Variants in TMEM184B observed in about 807,000 individuals in gnomAD.
TMEM184B encodes the protein transmembrane protein 184B, also known as putative MAPK-activating protein FM08.
In TMEM184B, 17 loss-of-function variants were observed where a neutral mutation model predicts 41.8. The observed-to-expected ratio is 0.41, with a 90% CI of 0.28 to 0.61. The LOEUF (loss-of-function observed/expected upper bound fraction) is 0.61, where lower values mean the gene tolerates loss of function less well. TMEM184B is among the 20% of genes least tolerant of loss of function. The pLI, the probability that TMEM184B is intolerant of heterozygous loss-of-function variation, is 0.34. For synonymous variants in TMEM184B, 240 were observed against 229.5 expected (o/e 1.05, Z -0.41); for missense variants, 393 against 557.8 (o/e 0.70, Z 2.98).
chr22:38,225,398 C>A lies in TMEM184B; in HGVS notation c.787+26G>T. 1 of 1,535,354 alleles carries A rather than the reference C, an allele frequency of 6.5e-7. No homozygotes were observed. The highest frequency in any genetic ancestry group is 1.3e-5 in the South Asian group (1 of 77,962). ...GCAGAGGACAGGGTGGCATGGGCAGCCTCCAGGTGCTGGGAGGGGGCTCAC... is the reference window on the plus strand; with the variant it reads ...GCAGAGGACAGGGTGGCATGGGCAGACTCCAGGTGCTGGGAGGGGGCTCAC... On this transcript the variant is annotated intron_variant, in intron 7 of 8. Transcript: ENST00000361906. The surrounding 1 kb of genome is among the most constrained non-coding windows in gnomAD (Gnocchi z 4.4).
chr22:38,232,181 G>C (rs2091647942), intron 3 of TMEM184B: 1 of 152,918 alleles, frequency 6.5e-6, no homozygotes, highest in Admixed American at 6.5e-5. Flanking sequence ...ACAGCACTAT[G>C]AGCTACAACA....
At position 38,220,070 on chromosome 22, in the gene TMEM184B, C is replaced by G; in HGVS notation, c.*1399G>C. On this transcript the variant is annotated 3_prime_UTR_variant, in exon 9 of 9. Coordinates refer to ENST00000361906, the MANE Select transcript of TMEM184B (RefSeq NM_012264.5). Reference sequence around the variant, plus strand: ...ACCAGCTTCTCCAGGTGACTGCAGCCCAAACCCAGGGATAATCTGGGTTTT... The same window carrying G: ...ACCAGCTTCTCCAGGTGACTGCAGCGCAAACCCAGGGATAATCTGGGTTTT... 4.1e-6 allele frequency: 4 copies of G among 985,530 alleles called. No homozygotes were observed. Among genetic ancestry groups the G allele is most frequent in the Non-Finnish European group, 4.8e-6 (4 of 830,016 alleles). The allele number at this position is 985,530 out of a possible 1,614,324, so 61.0% of individuals were successfully genotyped here. A position where few individuals can be genotyped will look rare whatever the true frequency, so the allele number is the denominator to read the frequency against.
At position 38,230,655 on chromosome 22, in the gene TMEM184B, C is replaced by G. The variant is rs751010135; in HGVS notation, c.525+14G>C. ...CTGCTCCTCCTGAGCTAGGCAGCTG[C>G]TGGGGGCACACACCTGTTTGCAGAA... On this transcript the variant is annotated intron_variant, in intron 5 of 8. Coordinates refer to ENST00000361906, the MANE Select transcript of TMEM184B (RefSeq NM_012264.5). 1.2e-6 allele frequency: 2 copies of G among 1,606,292 alleles called. No homozygotes were observed. The highest frequency in any genetic ancestry group is 4.5e-5 in the East Asian group (2 of 44,752).
chr22:38,253,602 C>A (rs1027263445), intron 1 of TMEM184B, among the ~76,000 whole-genome samples: 15 of 151,980 alleles, frequency 9.9e-5, no homozygotes, highest in African/African-American at 3.6e-4. Context: ...TAATAAAAAA[C>A]CTTAACATAA....
At position 38,233,704 on chromosome 22, in the gene TMEM184B, C is replaced by T. The variant is rs185229835; in HGVS notation, c.359-2370G>A. On this transcript the variant is annotated intron_variant, in intron 3 of 8. Transcript: ENST00000361906. ...ACCTCACAAGGCCAAGCACAATGAC[C>T]GTGTCCATTCTAAGCCGGGTCCAGC... Among the ~76,000 whole-genome samples the T allele has an allele frequency of 3.1e-4, 47 of 152,282 alleles. 1 individual carries two copies. Among genetic ancestry groups the T allele is most frequent in the African/African-American group, 9.1e-4 (38 of 41,556 alleles).
chr22:38,241,437 C>T (rs1334188256), intron 3 of TMEM184B, among the ~76,000 whole-genome samples: 3 of 151,338 alleles, frequency 2.0e-5, no homozygotes, highest in Admixed American at 6.6e-5. Context: ...CCTATAATCC[C>T]GGCACTTTGG....
At chr22:38,271,243 G>A (rs2092517823) in intron 1 of TMEM184B, among the ~76,000 whole-genome samples, 1 of 152,170 alleles carries the variant, frequency 6.6e-6, no homozygotes, top group Non-Finnish European at 1.5e-5. Flanking sequence ...AGGTCCCATT[G>A]ATCATCAGAC....
downstream of TMEM184B, among the ~76,000 whole-genome samples, chr22:38,218,798 G>A (rs977723071): frequency 6.6e-6 from 1 of 152,206 alleles, no homozygotes; most frequent in Non-Finnish European, 1.5e-5. Flanking sequence ...CCGCATTCCT[G>A]AGTGCTCCCG....
intron 1 of TMEM184B, among the ~76,000 whole-genome samples, chr22:38,254,087 G>A (rs2092228724): frequency 6.6e-6 from 1 of 151,584 alleles, no homozygotes; most frequent in Non-Finnish European, 1.5e-5. Context: ...TGTAATCCCA[G>A]CTACTCAGGA....
At chr22:38,272,844 C>T in intron 1 of TMEM184B, 40 bp downstream of exon 1, 1 of 974,790 alleles carries the variant, frequency 1.0e-6, no homozygotes, top group South Asian at 4.8e-5. Context: ...GTCGCAGCTC[C>T]CCCTTGGGGC....
At position 38,223,205 on chromosome 22, in the gene TMEM184B, C is replaced by T. The variant is rs73884661; in HGVS notation, c.983-1495G>A. 5.5e-3 allele frequency: 839 copies of T among 152,802 alleles called. 7 individuals are homozygous for T. The highest frequency in any genetic ancestry group is 0.013 in the African/African-American group (552 of 41,536). The allele number at this position is 152,802 out of a possible 1,614,324, so 9.5% of individuals were successfully genotyped here. On this transcript the variant is annotated intron_variant, in intron 8 of 8. Coordinates refer to ENST00000361906, the MANE Select transcript of TMEM184B (RefSeq NM_012264.5). ...GGCAGAAGAGGGCAAGCAGCTTCCC[C>T]GGCCGGGCGTGGGTATGTCTAGAGG... is the stretch of plus-strand genomic sequence containing the variant.
chr22:38,245,850 A>C, intron 3 of TMEM184B, 85 bp downstream of exon 3: 1 of 1,388,762 alleles, frequency 7.2e-7, no homozygotes, highest in Non-Finnish European at 9.8e-7. Flanking sequence ...AGTCCTCATG[A>C]AGCCCCTCGG....
intron 3 of TMEM184B, among the ~76,000 whole-genome samples, chr22:38,236,274 A>C (rs537393693): frequency 7.9e-5 from 12 of 151,910 alleles, no homozygotes; most frequent in African/African-American, 2.7e-4. Context: ...TAGACACCAC[A>C]TCTCAAACTA....
chr22:38,218,302 C>T (rs149643720), downstream of TMEM184B, among the ~76,000 whole-genome samples: 477 of 152,272 alleles, frequency 3.1e-3, no homozygotes, highest in Non-Finnish European at 5.7e-3. Context: ...CTGTGGGTCA[C>T]GGCAATTGGG....
intron 1 of TMEM184B, among the ~76,000 whole-genome samples, chr22:38,249,058 G>A (rs377614953): frequency 2.6e-5 from 4 of 152,110 alleles, no homozygotes; most frequent in South Asian, 2.1e-4. Flanking sequence ...CCGCATCCTC[G>A]AACACGCGGG....
intron 1 of TMEM184B, among the ~76,000 whole-genome samples, chr22:38,258,299 A>ATTTTT (rs1300992198): frequency 6.8e-6 from 1 of 148,062 alleles, no homozygotes; most frequent in Non-Finnish European, 1.5e-5. Flanking sequence ...AATTTTTCCA[A>ATTTTT]ATTTTTTTTT....
intron 3 of TMEM184B, among the ~76,000 whole-genome samples, chr22:38,235,518 C>T (rs1420145476): frequency 6.6e-6 from 1 of 152,226 alleles, no homozygotes; most frequent in East Asian, 1.9e-4. Flanking sequence ...CCTCTCAGTT[C>T]AAGATTCTTG....
rs73427646 is a variant in TMEM184B at position 38,248,157 on chromosome 22, C to T, written c.-58-138G>A. ...CATCACCCTGTCCCAGCCAGCCTCTCCCCTGGATTGATGCAACAGGCCCCT... is the reference window on the plus strand; with the variant it reads ...CATCACCCTGTCCCAGCCAGCCTCTTCCCTGGATTGATGCAACAGGCCCCT... On this transcript the variant is annotated intron_variant, in intron 1 of 8. Coordinates refer to ENST00000361906, the MANE Select transcript of TMEM184B (RefSeq NM_012264.5). The T allele has an allele frequency of 3.5e-3, 4,238 of 1,225,424 alleles. 132 individuals carry two copies. In the African/African-American group the frequency reaches 0.056, roughly 16 times the overall value. The allele number at this position is 1,225,424 out of a possible 1,614,324, so 75.9% of individuals were successfully genotyped here. A position where few individuals can be genotyped will look rare whatever the true frequency, so the allele number is the denominator to read the frequency against.
Position 38,239,607 on chromosome 22 carries a change from G to C in TMEM184B, c.358+6328C>G, listed in dbSNP as rs1435380278. 6.6e-6 allele frequency: 1 copy of C among 152,228 alleles called. No homozygotes were observed. Among genetic ancestry groups the C allele is most frequent in the Non-Finnish European group, 1.5e-5 (1 of 68,066 alleles). The allele number at this position is 152,228 out of a possible 1,614,324, so 9.4% of individuals were successfully genotyped here. On this transcript the variant is annotated intron_variant, in intron 3 of 8. Coordinates refer to ENST00000361906, the MANE Select transcript of TMEM184B (RefSeq NM_012264.5). This position sits in a 1 kb window ranked among gnomAD's most constrained non-coding sequence, Gnocchi z 4.6. ...GTGCAGACGCAGAAGCTGGTTAAAAGTCTCCACGTGGAGCCACTGCATTAC... is the reference window on the plus strand; with the variant it reads ...GTGCAGACGCAGAAGCTGGTTAAAACTCTCCACGTGGAGCCACTGCATTAC...
Sources: allele counts gnomAD v4.1 joint callset (sites outside exome capture counted in the v4.1 genomes callset), GRCh38; gene constraint gnomAD v4.1.1; non-coding constraint Gnocchi (gnomAD v3.1); transcripts MANE v1.5; gene names NCBI Gene and HGNC (gene_info 2026-07-23, HGNC 2026-07-21).